CACNG2: variants seen among roughly 807,000 people sequenced by gnomAD.
The protein encoded by CACNG2 is voltage-dependent calcium channel gamma-2 subunit.
In CACNG2, 3 loss-of-function variants were observed where a neutral mutation model predicts 25.9. That is an observed-to-expected ratio of 0.12 (90% confidence interval 0.05 to 0.30). The LOEUF (loss-of-function observed/expected upper bound fraction) is 0.30, where lower values mean the gene tolerates loss of function less well. CACNG2 is among the 10% of genes least tolerant of loss of function. The pLI is 1.00. For synonymous variants in CACNG2, 167 were observed against 173.3 expected (o/e 0.96, Z 0.29); for missense variants, 341 against 432.5 (o/e 0.79, Z 1.88).
intron 1 of CACNG2, among the ~76,000 whole-genome samples, chr22:36,653,757 T>TC (rs1051492897): frequency 6.6e-5 from 10 of 152,084 alleles, no homozygotes; most frequent in Non-Finnish European, 1.2e-4. Flanking sequence ...GTCCCCTGTG[T>TC]CCAAGCCTGT....
intron 1 of CACNG2, among the ~76,000 whole-genome samples, chr22:36,656,146 G>A (rs1172232438): frequency 6.6e-6 from 1 of 152,040 alleles, no homozygotes; most frequent in Admixed American, 6.6e-5. Context: ...TCATAACCAA[G>A]GGCTACTGAA....
chr22:36,663,747 A>G (rs1936834198), intron 1 of CACNG2, among the ~76,000 whole-genome samples: 1 of 152,164 alleles, frequency 6.6e-6, no homozygotes, highest in Admixed American at 6.5e-5. Context: ...GTCTAGCAGG[A>G]CCGCGTCATG....
At chr22:36,636,284 T>C (rs1355538745) in intron 1 of CACNG2, among the ~76,000 whole-genome samples, 1 of 152,148 alleles carries the variant, frequency 6.6e-6, no homozygotes, top group Non-Finnish European at 1.5e-5. Context: ...GAATGCACTT[T>C]ACAAGCCCGT....
chr22:36,639,675 G>A (rs1043860766), intron 1 of CACNG2, among the ~76,000 whole-genome samples: 1 of 152,176 alleles, frequency 6.6e-6, no homozygotes, highest in Non-Finnish European at 1.5e-5. Flanking sequence ...AACTGGGAAG[G>A]ATGAAGGGTT....
At chr22:36,645,366 T>G (rs1393623648) in intron 1 of CACNG2, among the ~76,000 whole-genome samples, 1 of 151,752 alleles carries the variant, frequency 6.6e-6, no homozygotes. Context: ...TGAAACCCCA[T>G]CTCTACTAAA....
intron 1 of CACNG2, among the ~76,000 whole-genome samples, chr22:36,651,263 CTG>C (rs1432641621): frequency 3.8e-4 from 41 of 108,972 alleles, no homozygotes; most frequent in Non-Finnish European, 6.7e-4. Context: ...GAGTCTTGCT[CTG>C]TTGCCCAGGC....
intron 1 of CACNG2, among the ~76,000 whole-genome samples, chr22:36,614,942 C>T (rs1198343251): frequency 6.6e-6 from 1 of 152,194 alleles, no homozygotes; most frequent in Non-Finnish European, 1.5e-5. Context: ...TTCCAAGCTT[C>T]CCTTGTCCTT....
Position 36,564,920 on chromosome 22 carries a change from G to C in CACNG2, c.437-34C>G. On this transcript the variant is annotated intron_variant, in intron 3 of 3. Transcript: ENST00000300105. This position sits in a 1 kb window ranked among gnomAD's most constrained non-coding sequence, Gnocchi z 6.7. The stretch of plus-strand genomic sequence containing the variant: ...CGCAGGGTGGCGGGGTGGGGGATCA[G>C]AGAGAAGGACGTTAGTTTCTCAGGA... 3.8e-6 allele frequency: 6 copies of C among 1,591,648 alleles called. No individual in the cohort carries two copies. Among genetic ancestry groups the C allele is most frequent in the Non-Finnish European group, 5.1e-6 (6 of 1,168,648 alleles).
intron 1 of CACNG2, among the ~76,000 whole-genome samples, chr22:36,620,738 G>C (rs1045655362): frequency 6.6e-6 from 1 of 152,162 alleles, no homozygotes; most frequent in Non-Finnish European, 1.5e-5. Flanking sequence ...TGCTGACCAC[G>C]GGGCCTTGCG....
At chr22:36,604,170 A>G (rs1055209614) in intron 1 of CACNG2, among the ~76,000 whole-genome samples, 4 of 152,230 alleles carry the variant, frequency 2.6e-5, no homozygotes, top group Admixed American at 6.5e-5. Flanking sequence ...CAGAAGAGGA[A>G]GTAATTCAGA....
intron 1 of CACNG2, among the ~76,000 whole-genome samples, chr22:36,612,505 T>G (rs1935958122): frequency 1.3e-5 from 2 of 152,254 alleles, no homozygotes; most frequent in Non-Finnish European, 2.9e-5. Context: ...TTTTCTTCAT[T>G]GTTTTTACCA....
In CACNG2 at chr22:36,624,807, A is replaced by G. The variant is rs540052720; in HGVS notation, c.212-37259T>C. 1.4e-4 allele frequency among the ~76,000 whole-genome samples: 21 copies of G among 152,140 alleles called. No homozygotes were observed. In the South Asian group the frequency reaches 4.2e-3, roughly 30 times the overall value. On this transcript the variant is annotated intron_variant, in intron 1 of 3. Coordinates refer to ENST00000300105, the MANE Select transcript of CACNG2 (RefSeq NM_006078.5). ...GACTTTGGGAGGCTGAGGCAGGCAG[A>G]TCACGAGGTCAGGAGATCGAGACCA... is the stretch of plus-strand genomic sequence containing the variant.
chr22:36,622,977 C>A (rs1936128546), intron 1 of CACNG2, among the ~76,000 whole-genome samples: 2 of 145,516 alleles, frequency 1.4e-5, no homozygotes, highest in Admixed American at 6.9e-5. Flanking sequence ...AAAGGTAAGA[C>A]AAGTCCTCTT....
chr22:36,608,720 T>C (rs899148536), intron 1 of CACNG2, among the ~76,000 whole-genome samples: 1 of 151,984 alleles, frequency 6.6e-6, no homozygotes, highest in Non-Finnish European at 1.5e-5. Flanking sequence ...TTTTTTCAAA[T>C]GAACCTGATG....
At chr22:36,661,050 G>T (rs760978269) in intron 1 of CACNG2, among the ~76,000 whole-genome samples, 5 of 152,206 alleles carry the variant, frequency 3.3e-5, no homozygotes, top group Non-Finnish European at 5.9e-5. Flanking sequence ...CATGCTTTCT[G>T]AGTGCAGGCA....
At position 36,606,047 on chromosome 22, in the gene CACNG2, G is replaced by A. The variant is rs956598500; in HGVS notation, c.212-18499C>T. Among the ~76,000 whole-genome samples the A allele has an allele frequency of 2.0e-5, 3 of 152,206 alleles. No homozygotes were observed. Among genetic ancestry groups the A allele is most frequent in the Non-Finnish European group, 2.9e-5 (2 of 68,036 alleles). ...CGTGGGTCTGAGTTCTCTTTCTGCC[G>A]TGTATTAACCATGTGCTCTCGGACA... On this transcript the variant is annotated intron_variant, in intron 1 of 3. Coordinates refer to ENST00000300105, the MANE Select transcript of CACNG2 (RefSeq NM_006078.5). This position sits in a 1 kb window ranked among gnomAD's most constrained non-coding sequence, Gnocchi z 5.7.
chr22:36,697,248 T>C (rs749357812), intron 1 of CACNG2, among the ~76,000 whole-genome samples: 1 of 152,134 alleles, frequency 6.6e-6, no homozygotes, highest in Non-Finnish European at 1.5e-5. Context: ...CAGCTCAAGA[T>C]GGCAGCTAGG....
chr22:36,695,122 G>A (rs531465367), intron 1 of CACNG2, among the ~76,000 whole-genome samples: 21 of 152,146 alleles, frequency 1.4e-4, no homozygotes, highest in Admixed American at 3.9e-4. Flanking sequence ...AGACTGGGGC[G>A]GGAGGATCAC....
chr22:36,664,834 T>G (rs1157998010), intron 1 of CACNG2, among the ~76,000 whole-genome samples: 1 of 152,170 alleles, frequency 6.6e-6, no homozygotes, highest in Non-Finnish European at 1.5e-5. Flanking sequence ...AAGAGAGGAA[T>G]TTCCAGGGAG....
Sources: gnomAD v4.1 joint callset for allele counts (sites outside exome capture counted in the v4.1 genomes callset) on GRCh38, gnomAD v4.1.1 for gene constraint, Gnocchi (gnomAD v3.1) non-coding constraint, MANE v1.5 for transcripts, NCBI Gene and HGNC (gene_info 2026-07-23, HGNC 2026-07-21) for gene names.